Variants in FOXP1 observed in about 807,000 individuals in gnomAD.
FOXP1 encodes forkhead box protein P1.
In FOXP1, 15 loss-of-function variants were observed where a neutral mutation model predicts 98.2. That is an observed-to-expected ratio of 0.15 (90% confidence interval 0.10 to 0.24). The LOEUF (loss-of-function observed/expected upper bound fraction) is 0.24, where lower values mean the gene tolerates loss of function less well. FOXP1 is among the 10% of genes least tolerant of loss of function. The pLI is 1.00. For missense variants in FOXP1, 633 were observed against 848.5 expected (o/e 0.75, Z 3.15); for synonymous variants, 371 against 314.5 (o/e 1.18, Z -1.90).
chr3:71,385,089 G>C (rs1417073212), intron 3 of FOXP1, among the ~76,000 whole-genome samples: 1 of 147,824 alleles, frequency 6.8e-6, no homozygotes, highest in Non-Finnish European at 1.5e-5. Flanking sequence ...AATTAAGAAG[G>C]GGCACGGGAA....
At chr3:70,983,084 G>A (rs536022033) in intron 14 of FOXP1, among the ~76,000 whole-genome samples, 1 of 152,334 alleles carries the variant, frequency 6.6e-6, no homozygotes, top group African/African-American at 2.4e-5. Context: ...TGAGGCTGGA[G>A]GGACGTTACC....
intron 7 of FOXP1, among the ~76,000 whole-genome samples, chr3:71,106,073 T>G (rs1338319954): frequency 6.6e-6 from 1 of 152,198 alleles, no homozygotes; most frequent in African/African-American, 2.4e-5. Context: ...GTGCTGTTAC[T>G]ACCTTTGTGC....
At chr3:71,378,330 G>A (rs2079881533) in intron 3 of FOXP1, among the ~76,000 whole-genome samples, 1 of 152,186 alleles carries the variant, frequency 6.6e-6, no homozygotes. Context: ...CTATGATACA[G>A]TAGGGTCTGC....
intron 6 of FOXP1, among the ~76,000 whole-genome samples, chr3:71,160,961 G>A (rs138825350): frequency 1.3e-5 from 2 of 152,128 alleles, no homozygotes; most frequent in East Asian, 1.9e-4. Context: ...GACCAAAGAC[G>A]GGAGTGACTG....
intron 3 of FOXP1, among the ~76,000 whole-genome samples, chr3:71,395,909 T>C (rs2081344589): frequency 6.6e-6 from 1 of 152,146 alleles, no homozygotes; most frequent in Non-Finnish European, 1.5e-5. Context: ...TATTAAAATA[T>C]ATTATAAATG....
chr3:71,201,961 G>A (rs2108407024), intron 5 of FOXP1, among the ~76,000 whole-genome samples: 1 of 152,294 alleles, frequency 6.6e-6, no homozygotes. Context: ...GAAGAGAACT[G>A]CAGGTAGAAT....
chr3:71,483,389 C>A (rs192601336), intron 3 of FOXP1, among the ~76,000 whole-genome samples: 1 of 152,300 alleles, frequency 6.6e-6, no homozygotes, highest in Admixed American at 6.5e-5. Flanking sequence ...AGCAGAAACA[C>A]CAGAGAGCGG....
intron 11 of FOXP1, among the ~76,000 whole-genome samples, chr3:71,038,347 A>T (rs563667383): frequency 7.9e-5 from 12 of 152,322 alleles, no homozygotes; most frequent in Admixed American, 7.8e-4. Flanking sequence ...TCAGTGTGGC[A>T]GAGACTCTTT....
chr3:71,520,548 C>T (rs1411335498), intron 2 of FOXP1, among the ~76,000 whole-genome samples: 6 of 152,200 alleles, frequency 3.9e-5, no homozygotes, highest in South Asian at 2.1e-4. Flanking sequence ...GGCCTTTCCC[C>T]CACATTTCCC....
intron 4 of FOXP1, among the ~76,000 whole-genome samples, chr3:71,310,340 G>T (rs2074595505): frequency 6.6e-6 from 1 of 152,140 alleles, no homozygotes; most frequent in African/African-American, 2.4e-5. Flanking sequence ...TCCAAAAGGT[G>T]GGAATGAATA....
At chr3:71,135,779 T>C (rs1301994777) in intron 6 of FOXP1, among the ~76,000 whole-genome samples, 1 of 152,130 alleles carries the variant, frequency 6.6e-6, no homozygotes, top group Non-Finnish European at 1.5e-5. Flanking sequence ...ATGGTTAAAA[T>C]AACACTGCCC....
chr3:71,425,242 C>A (rs146527072), intron 3 of FOXP1, among the ~76,000 whole-genome samples: 2,264 of 152,148 alleles, frequency 0.015, 66 homozygotes, highest in African/African-American at 0.051. Flanking sequence ...CAGCCTCCTG[C>A]GTAGCTGGGA....
At chr3:70,996,754 C>T (rs1488475408) in intron 13 of FOXP1, among the ~76,000 whole-genome samples, 3 of 152,102 alleles carry the variant, frequency 2.0e-5, no homozygotes, top group Non-Finnish European at 4.4e-5. Flanking sequence ...GAACCTCCAT[C>T]GATGTATATG....
At chr3:71,137,591 C>T (rs2059881671) in intron 6 of FOXP1, among the ~76,000 whole-genome samples, 1 of 151,962 alleles carries the variant, frequency 6.6e-6, no homozygotes, top group South Asian at 2.1e-4. Context: ...TTTTGTGGCT[C>T]CAGTTTGGGA....
chr3:71,424,550 G>C (rs556222837), intron 3 of FOXP1, among the ~76,000 whole-genome samples: 1 of 151,976 alleles, frequency 6.6e-6, no homozygotes, highest in East Asian at 1.9e-4. Flanking sequence ...AGAACACTGG[G>C]GACCACCATG....
At chr3:71,199,848 C>T (rs989749016) in intron 5 of FOXP1, among the ~76,000 whole-genome samples, 10 of 151,356 alleles carry the variant, frequency 6.6e-5, no homozygotes, top group African/African-American at 2.4e-4. Flanking sequence ...GAGGCCGAGG[C>T]GGGTGGATCA....
chr3:71,180,071 T>C (rs2062193115), intron 6 of FOXP1, among the ~76,000 whole-genome samples: 1 of 152,156 alleles, frequency 6.6e-6, no homozygotes, highest in Non-Finnish European at 1.5e-5. Flanking sequence ...AATTATGCCA[T>C]AGTCTCTCTG....
At chr3:71,007,277 G>C (rs996877547) in intron 12 of FOXP1, among the ~76,000 whole-genome samples, 3 of 152,002 alleles carry the variant, frequency 2.0e-5, no homozygotes, top group African/African-American at 7.3e-5. Flanking sequence ...TCATCTTCTC[G>C]AGATTTAAAT....
chr3:71,085,060 A>C (rs2054884325), intron 7 of FOXP1, among the ~76,000 whole-genome samples: 1 of 152,228 alleles, frequency 6.6e-6, no homozygotes, highest in Admixed American at 6.5e-5. Context: ...TCACTCAAAG[A>C]ATTTGCCAAA....
Sources: allele counts gnomAD v4.1 joint callset (sites outside exome capture counted in the v4.1 genomes callset), GRCh38; gene constraint gnomAD v4.1.1; transcripts MANE v1.5; gene names NCBI Gene and HGNC (gene_info 2026-07-23, HGNC 2026-07-21).